Variants in MTFR1L observed in about 807,000 individuals in gnomAD.
MTFR1L encodes mitochondrial fission regulator 1 like.
Under a neutral mutation model 27.9 loss-of-function variants are expected in MTFR1L, and 10 were observed. The ratio of observed to expected loss-of-function variants is 0.36; its 90% CI spans 0.22 to 0.61. The LOEUF is 0.61. Ranked by LOEUF, MTFR1L falls within the 20% of genes least tolerant of loss-of-function variation. MTFR1L has a pLI of 0.73. For synonymous variants in MTFR1L, 151 were observed against 139.4 expected, an observed-to-expected ratio of 1.08 and a Z score of -0.58; for missense variants, 315 against 363.7, an observed-to-expected ratio of 0.87 and a Z score of 1.09.
chr1:25,824,141 G>A lies in MTFR1L; in HGVS notation c.129+393G>A, dbSNP rs1248160060. Among the ~76,000 whole-genome samples, 3 of 152,288 alleles carry A rather than the reference G, an allele frequency of 2.0e-5. No individual in the cohort carries two copies. In the East Asian group the frequency reaches 5.8e-4, roughly 29 times the overall value. On this transcript the variant is annotated intron_variant, in intron 3 of 6. Transcript: ENST00000374303. ...TCCTCCTGCCTCAGCCTCCTATGTA[G>A]CTGGGATTACAGGCACAAGCCACCA...
At chr1:25,825,397 C>T (rs954836080) in intron 3 of MTFR1L, among the ~76,000 whole-genome samples, 3 of 152,006 alleles carry the variant, frequency 2.0e-5, no homozygotes, top group African/African-American at 7.2e-5. Flanking sequence ...AGTAATAATA[C>T]AATAACTATT....
Position 25,826,940 on chromosome 1 carries a change from C to A in MTFR1L, c.451+114C>A. The stretch of plus-strand genomic sequence containing the variant: ...CCTTGGTTTGCAGGTACTTAGGTTC[C>A]GGGCCCTGGGGTTGTCCTGAAGCCT... On this transcript the variant is annotated intron_variant, in intron 5 of 6. Coordinates refer to ENST00000374303, the MANE Select transcript of MTFR1L (RefSeq NM_001099625.2). This position sits in a 1 kb window ranked among gnomAD's most constrained non-coding sequence, Gnocchi z 4.1. The A allele has an allele frequency of 2.4e-6, 3 of 1,226,024 alleles. No homozygotes were observed. Among genetic ancestry groups the A allele is most frequent in the Non-Finnish European group, 2.3e-6 (2 of 875,954 alleles). The allele number at this position is 1,226,024 out of a possible 1,614,324, so 75.9% of individuals were successfully genotyped here. A position where few individuals can be genotyped will look rare whatever the true frequency, so the allele number is the denominator to read the frequency against.
rs781309366 is a variant in MTFR1L at position 25,832,830 on chromosome 1, C to T, written c.*804C>T. The T allele has an allele frequency of 1.9e-5, 3 of 154,828 alleles. No individual in the cohort carries two copies. The highest frequency in any genetic ancestry group is 4.3e-5 in the Non-Finnish European group (3 of 69,492). The allele number at this position is 154,828 out of a possible 1,614,324, so 9.6% of individuals were successfully genotyped here. ...GCTGGGCCAAGGTTTGTATGTACCA[C>T]ACCATGCATGACTCAGATGCCCTCA... On this transcript the variant is annotated 3_prime_UTR_variant, in exon 7 of 7. Transcript: ENST00000374303.
Position 25,826,191 on chromosome 1 carries a change from A to T in MTFR1L, c.130-111A>T. On this transcript the variant is annotated intron_variant, in intron 3 of 6. Transcript: ENST00000374303. The surrounding 1 kb of genome is among the most constrained non-coding windows in gnomAD (Gnocchi z 4.1). ...GGAACCTTCTTCTGCCCCCTCTAGG[A>T]AGCCTTCCTGACACCCAGTGCCGGA... The T allele has an allele frequency of 1.2e-6, 1 of 833,134 alleles. No individual in the cohort carries two copies. Among genetic ancestry groups the T allele is most frequent in the South Asian group, 1.6e-5 (1 of 61,196 alleles). 51.6% of individuals were successfully genotyped at this position (833,134 alleles called of 1,614,324 possible).
In MTFR1L at chr1:25,826,626, G is replaced by A. The variant is rs2048172265; in HGVS notation, c.251G>A (p.Arg84His). ...TTTCCCTGGTCCAGGAGTGATACGC[G>A]CCCCCTGAGGCACACCTGGAAACCC... is the stretch of plus-strand genomic sequence containing the variant. ...ETYARVRSDT[R>H]PLRHTWKPSP... is the part of the protein sequence containing the mutation. Residue 84 changes from arginine (R) to histidine (H), a missense_variant, in exon 5 of 7, where the codon CGC (arginine) becomes CAC (histidine). Coordinates refer to ENST00000374303, the MANE Select transcript of MTFR1L (RefSeq NM_001099625.2). The surrounding 1 kb of genome is among the most constrained non-coding windows in gnomAD (Gnocchi z 4.1). 2 of 1,613,978 alleles carry A rather than the reference G, an allele frequency of 1.2e-6. No homozygotes were observed. The highest frequency in any genetic ancestry group is 1.7e-5 in the Admixed American group (1 of 60,000).
At chr1:25,830,022 G>C (rs1347055303) in intron 6 of MTFR1L, among the ~76,000 whole-genome samples, 192 bp downstream of exon 6, 2 of 152,124 alleles carry the variant, frequency 1.3e-5, no homozygotes, top group Non-Finnish European at 1.5e-5. Flanking sequence ...CATTTATTGG[G>C]TTTGGTCACC....
chr1:25,822,018 T>C (rs1298899064), intron 1 of MTFR1L: 9 of 152,260 alleles, frequency 5.9e-5, no homozygotes, highest in African/African-American at 2.2e-4. Context: ...TTGCATCTGC[T>C]CACCATGCAA....
At chr1:25,828,172 C>G (rs936264136) in intron 5 of MTFR1L, among the ~76,000 whole-genome samples, 1 of 152,150 alleles carries the variant, frequency 6.6e-6, no homozygotes, top group Admixed American at 6.5e-5. Context: ...GTGACATTGT[C>G]CCCATGCCCC....
intron 1 of MTFR1L, chr1:25,822,153 T>A (rs1053021326): frequency 6.6e-6 from 1 of 152,372 alleles, no homozygotes; most frequent in Admixed American, 6.5e-5. Flanking sequence ...CAGCTTTTCC[T>A]GTCTCCTTTT....
rs2048253494 is a variant in MTFR1L, at chr1:25,832,170, G to A, written c.*144G>A. 3.9e-6 allele frequency: 6 copies of A among 1,548,762 alleles called. No individual in the cohort carries two copies. The highest frequency in any genetic ancestry group is 3.5e-5 in the South Asian group (3 of 85,626). On this transcript the variant is annotated 3_prime_UTR_variant, in exon 7 of 7. Coordinates refer to ENST00000374303, the MANE Select transcript of MTFR1L (RefSeq NM_001099625.2). The stretch of plus-strand genomic sequence containing the variant: ...AGCTAGAGCTTGGACTGAAAGAGAA[G>A]AGCTGGATTATATATTTCCCAGACT...
At chr1:25,820,878 C>CG (rs1271991540) in intron 1 of MTFR1L, 1 of 370,446 alleles carries the variant, frequency 2.7e-6, no homozygotes, top group African/African-American at 2.3e-5. Flanking sequence ...CAGGGTGCTG[C>CG]GGAGCGCACA....
chr1:25,831,535 C>T (rs2048240116), intron 6 of MTFR1L, among the ~76,000 whole-genome samples: 3 of 152,220 alleles, frequency 2.0e-5, no homozygotes, highest in African/African-American at 7.2e-5. Flanking sequence ...CCTGCTGACC[C>T]TCTGGGGAAA....
At chr1:25,829,332 G>A (rs893949688) in intron 5 of MTFR1L, among the ~76,000 whole-genome samples, 177 bp from the exon 6 acceptor site, 5 of 152,138 alleles carry the variant, frequency 3.3e-5, no homozygotes, top group African/African-American at 9.7e-5. Flanking sequence ...CTGAGCCCCC[G>A]AGTGAGAAGC....
chr1:25,825,722 G>A (rs1165865965), intron 3 of MTFR1L: 1 of 152,468 alleles, frequency 6.6e-6, no homozygotes, highest in Non-Finnish European at 1.5e-5. Context: ...CCTTGTACTT[G>A]TATTTTCACC....
At chr1:25,828,339 T>C (rs2048193673) in intron 5 of MTFR1L, among the ~76,000 whole-genome samples, 1 of 152,200 alleles carries the variant, frequency 6.6e-6, no homozygotes, top group South Asian at 2.1e-4. Context: ...TCCCAACACT[T>C]TGGAAGGCTG....
chr1:25,825,123 C>G (rs530297753), intron 3 of MTFR1L, among the ~76,000 whole-genome samples: 38 of 152,198 alleles, frequency 2.5e-4, no homozygotes, highest in African/African-American at 8.4e-4. Context: ...TCTGTGTGAC[C>G]TTGGAGTATC....
chr1:25,831,582 A>C (rs2048241042), intron 6 of MTFR1L, among the ~76,000 whole-genome samples: 1 of 152,260 alleles, frequency 6.6e-6, no homozygotes, highest in African/African-American at 2.4e-5. Flanking sequence ...GCAGAAGCTT[A>C]GCCACCAGAG....
Position 25,823,691 on chromosome 1 carries a change from A to G in MTFR1L, c.72A>G (p.Val24=). 6.2e-7 allele frequency: 1 copy of G among 1,614,070 alleles called. No individual in the cohort carries two copies. ...AGCCACATGGGGCTGCTCGAAGTGT[A>G]GTAAGAAGAATTGGGACCAACCTAC... is the stretch of plus-strand genomic sequence containing the variant. ...QNKPHGAARS[V]VRRIGTNLPL... is the part of the protein sequence containing the mutation. The change falls in exon 3 of 7, where the codon GTA becomes GTG. Residue 24 remains valine, a synonymous_variant. Coordinates refer to ENST00000374303, the MANE Select transcript of MTFR1L (RefSeq NM_001099625.2).
At chr1:25,830,138 T>C (rs896835388) in intron 6 of MTFR1L, among the ~76,000 whole-genome samples, 1 of 152,222 alleles carries the variant, frequency 6.6e-6, no homozygotes, top group Non-Finnish European at 1.5e-5. Context: ...CTAGTGACAG[T>C]GTCTTCATGG....
Sources: gnomAD v4.1 joint callset for allele counts (sites outside exome capture counted in the v4.1 genomes callset) on GRCh38, gnomAD v4.1.1 for gene constraint, Gnocchi (gnomAD v3.1) non-coding constraint, MANE v1.5 for transcripts, NCBI Gene and HGNC (gene_info 2026-07-23, HGNC 2026-07-21) for gene names.